CYREN: variants seen among roughly 807,000 people sequenced by gnomAD.
CYREN encodes cell cycle regulator of NHEJ.
Under a neutral mutation model 9.7 loss-of-function variants are expected in CYREN, and 7 were observed. That is an observed-to-expected ratio of 0.72 (90% CI 0.41 to 1.36). CYREN has a LOEUF of 1.36. CYREN is among the 40% of genes most tolerant of loss of function. The pLI is 0.01. For missense variants in CYREN, 215 were observed against 198.1 expected (o/e 1.09, Z -0.51); for synonymous variants, 76 against 77.9 (o/e 0.98, Z 0.13).
chr7:135,105,336 C>A (rs1585142943), intron 2 of CYREN, among the ~76,000 whole-genome samples: 1 of 48,270 alleles, frequency 2.1e-5, no homozygotes, highest in Non-Finnish European at 5.5e-5. Context: ...TCCCAAAGTG[C>A]TGGGATTACA....
intron 2 of CYREN, among the ~76,000 whole-genome samples, chr7:135,101,777 T>C (rs930284841): frequency 4.6e-5 from 7 of 152,188 alleles, no homozygotes; most frequent in African/African-American, 1.7e-4. Context: ...GATTCCATCA[T>C]GGTTGATATG....
exon 3 of CYREN, chr7:135,093,645 T>G (rs1822199140): frequency 6.6e-6 from 1 of 152,202 alleles, no homozygotes; most frequent in African/African-American, 2.4e-5. Context: ...ACTCTGGTCA[T>G]GGATCAGAAG....
At chr7:135,129,428 A>C (rs964766040) in intron 2 of CYREN, 1 of 788,568 alleles carries the variant, frequency 1.3e-6, no homozygotes, top group Non-Finnish European at 2.3e-6. Flanking sequence ...TTCAGAAGGC[A>C]CTGGAAGAGA....
At chr7:135,135,554 C>A (rs1253610491) in intron 2 of CYREN, 1 of 214,362 alleles carries the variant, frequency 4.7e-6, no homozygotes, top group African/African-American at 2.3e-5. Context: ...AAACTACTTA[C>A]ACATTCGACA....
intron 3 of CYREN, chr7:135,167,363 T>C: frequency 9.0e-7 from 1 of 1,106,632 alleles, no homozygotes; most frequent in Non-Finnish European, 1.1e-6. Context: ...CATCCTCTGC[T>C]CAGGAGAGGG....
At chr7:135,162,090 C>G (rs1829956068), downstream of CYREN, among the ~76,000 whole-genome samples, 1 of 152,198 alleles carries the variant, frequency 6.6e-6, no homozygotes, top group African/African-American at 2.4e-5. Context: ...ATGGAGCTGC[C>G]CTCTCTCTCA....
intron 2 of CYREN, among the ~76,000 whole-genome samples, chr7:135,147,469 C>T (rs1040643916): frequency 2.6e-5 from 4 of 152,180 alleles, no homozygotes; most frequent in East Asian, 1.9e-4. Context: ...ATGTGAGCAA[C>T]GGAAGCAATT....
At chr7:135,129,096 G>C (rs1439196530) in intron 2 of CYREN, 4 of 1,591,950 alleles carry the variant, frequency 2.5e-6, no homozygotes, top group Non-Finnish European at 3.4e-6. Context: ...GGCCACTACT[G>C]GTCAGGTCAA....
intron 2 of CYREN, among the ~76,000 whole-genome samples, chr7:135,105,325 C>T (rs558678304): frequency 1.7e-5 from 2 of 120,250 alleles, no homozygotes; most frequent in Non-Finnish European, 3.8e-5. Flanking sequence ...CTGCCTCGGT[C>T]TCCCAAAGTG....
At chr7:135,133,244 C>A (rs7797986) in intron 2 of CYREN, among the ~76,000 whole-genome samples, 3 of 152,010 alleles carry the variant, frequency 2.0e-5, no homozygotes, top group Non-Finnish European at 4.4e-5. Context: ...TACAGGGTTT[C>A]TATGCTGAAA....
intron 2 of CYREN, chr7:135,135,375 A>G: frequency 1.2e-6 from 1 of 859,604 alleles, no homozygotes; most frequent in East Asian, 2.9e-5. Context: ...CCCCTTACAC[A>G]TGCATATGCA....
rs1830107345 is a variant in CYREN, at chr7:135,166,012, G to A, written c.*599C>T. 1 of 153,882 alleles carries A rather than the reference G, an allele frequency of 6.5e-6. No individual in the cohort carries two copies. Among genetic ancestry groups the A allele is most frequent in the Non-Finnish European group, 1.5e-5 (1 of 68,058 alleles). The allele number at this position is 153,882 out of a possible 1,614,324, so 9.5% of individuals were successfully genotyped here. A position where few individuals can be genotyped will look rare whatever the true frequency, so the allele number is the denominator to read the frequency against. On this transcript the variant is annotated 3_prime_UTR_variant, in exon 4 of 4. Transcript: ENST00000393114. ...GTGAAAGCAAGGTAGCAGCTTGCGGGAGGAGGCCTGTCTGGCTTACCAGTC... is the reference window on the plus strand; with the variant it reads ...GTGAAAGCAAGGTAGCAGCTTGCGGAAGGAGGCCTGTCTGGCTTACCAGTC...
intron 2 of CYREN, among the ~76,000 whole-genome samples, chr7:135,147,512 A>G (rs572151882): frequency 6.6e-6 from 1 of 152,346 alleles, no homozygotes; most frequent in South Asian, 2.1e-4. Flanking sequence ...CAATGCTTAC[A>G]AAAATAAAAG....
chr7:135,135,257 G>A lies in CYREN; in HGVS notation n.356+33492C>T, dbSNP rs927855378. The A allele has an allele frequency of 2.2e-5, 33 of 1,514,316 alleles. No individual in the cohort carries two copies. In the Admixed American group the frequency reaches 7.5e-4, roughly 34 times the overall value. 93.8% of individuals were successfully genotyped at this position (1,514,316 alleles called of 1,614,324 possible). A position where few individuals can be genotyped will look rare whatever the true frequency, so the allele number is the denominator to read the frequency against. ...TTATATCTGAAGTTCCAAAGGGAGA[G>A]TTAATCTAGCTTTATACTGCTCTGA... is the stretch of plus-strand genomic sequence containing the variant. On this transcript the variant is annotated intron_variant and non_coding_transcript_variant, in intron 2 of 2. Coordinates refer to the CYREN transcript ENST00000459937.
rs776124276 is a variant in CYREN at position 135,166,840 on chromosome 7, G to A, written c.245C>T (p.Pro82Leu). Residue 82 changes from proline to leucine, a missense_variant, in exon 4 of 4, where the codon CCG (proline) becomes CTG (leucine). Coordinates refer to ENST00000393114, the MANE Select transcript of CYREN (RefSeq NM_024033.4). ...SRKQEKACEQ[P>L]ALAGADNPEH... ...TGGGTTATCAGCCCCCGCCAGGGCC[G>A]GCTGCTCGCAGGCCTTTTCCTGTTT... 1.1e-5 allele frequency: 17 copies of A among 1,614,006 alleles called. No individual in the cohort carries two copies. Among genetic ancestry groups the A allele is most frequent in the Admixed American group, 3.3e-5 (2 of 60,032 alleles).
At chr7:135,167,439 C>G in intron 3 of CYREN, 1 of 1,248,368 alleles carries the variant, frequency 8.0e-7, no homozygotes, top group Non-Finnish European at 1.0e-6. Flanking sequence ...GTAAACGCTT[C>G]ATGTCCCATC....
At chr7:135,092,898 C>A (rs1000718920) in exon 3 of CYREN, 2 of 151,780 alleles carry the variant, frequency 1.3e-5, no homozygotes, top group African/African-American at 2.4e-5. Flanking sequence ...ATATAATATA[C>A]CATGTTAATA....
At chr7:135,162,593 G>C (rs1185120583), downstream of CYREN, among the ~76,000 whole-genome samples, 7 of 152,184 alleles carry the variant, frequency 4.6e-5, no homozygotes, top group Admixed American at 4.6e-4. Flanking sequence ...CATGTGCAGG[G>C]GAAATGCCCT....
downstream of CYREN, among the ~76,000 whole-genome samples, chr7:135,160,948 C>T (rs1231899824): frequency 2.0e-5 from 3 of 152,096 alleles, no homozygotes; most frequent in African/African-American, 4.8e-5. Context: ...TGGGGGGTGG[C>T]TGAGGATGGG....
Sources: allele counts gnomAD v4.1 joint callset (sites outside exome capture counted in the v4.1 genomes callset), GRCh38; gene constraint gnomAD v4.1.1; transcripts MANE v1.5; gene names NCBI Gene and HGNC (gene_info 2026-07-23, HGNC 2026-07-21).